Variants in HIRA observed in about 807,000 individuals in gnomAD.
The protein encoded by HIRA is protein HIRA.
Under a neutral mutation model 126.6 loss-of-function variants are expected in HIRA, and 13 were observed. The ratio of observed to expected loss-of-function variants is 0.10; its 90% CI spans 0.07 to 0.16. The LOEUF (loss-of-function observed/expected upper bound fraction) is 0.16. Ranked by LOEUF, HIRA falls within the 10% of genes least tolerant of loss-of-function variation. The pLI is 1.00. For missense variants in HIRA, 834 were observed against 1,314.4 expected (o/e 0.63, Z 5.65); for synonymous variants, 511 against 520.0 (o/e 0.98, Z 0.24).
chr22:19,427,137 G>T (rs1419297360), intron 1 of HIRA, among the ~76,000 whole-genome samples: 1 of 152,168 alleles, frequency 6.6e-6, no homozygotes, highest in African/African-American at 2.4e-5. Flanking sequence ...AATTCTCCAT[G>T]AGTGGGCTGT....
At chr22:19,354,573 G>A (rs1601812141) in intron 21 of HIRA, among the ~76,000 whole-genome samples, 1 of 152,108 alleles carries the variant, frequency 6.6e-6, no homozygotes, top group South Asian at 2.1e-4. Context: ...CACCTTCTCT[G>A]GACCCTTCTC....
At chr22:19,404,373 C>T (rs1463176861) in intron 5 of HIRA, among the ~76,000 whole-genome samples, 3 of 152,184 alleles carry the variant, frequency 2.0e-5, no homozygotes, top group Non-Finnish European at 4.4e-5. Context: ...CACTTGAGGC[C>T]TACCCCACAC....
intron 22 of HIRA, 55 bp downstream of exon 22, chr22:19,353,941 G>A: frequency 5.6e-6 from 9 of 1,595,700 alleles, no homozygotes; most frequent in South Asian, 1.1e-5. Flanking sequence ...CACTGACCCA[G>A]GCACTTCCCC....
chr22:19,424,952 C>G (rs138764599), intron 1 of HIRA, among the ~76,000 whole-genome samples: 1 of 152,150 alleles, frequency 6.6e-6, no homozygotes, highest in Non-Finnish European at 1.5e-5. Flanking sequence ...GGCTTTTACA[C>G]GCAGACCTAG....
Position 19,418,145 on chromosome 22 carries a change from C to T in HIRA, c.38-7367G>A, listed in dbSNP as rs117203461. Among the ~76,000 whole-genome samples the T allele has an allele frequency of 9.2e-3, 1,402 of 152,098 alleles. 18 individuals are homozygous for T. Among genetic ancestry groups the T allele is most frequent in the Non-Finnish European group, 0.011 (751 of 68,000 alleles). On this transcript the variant is annotated intron_variant, in intron 1 of 24. Transcript: ENST00000263208. ...AAAGGTTTGCAAGATGAAAATGTTC[C>T]GGAGACTGGCTGCACAATAATGTGA... is the stretch of plus-strand genomic sequence containing the variant.
intron 15 of HIRA, among the ~76,000 whole-genome samples, chr22:19,372,689 A>T (rs2088978392): frequency 6.7e-6 from 1 of 150,372 alleles, no homozygotes; most frequent in South Asian, 2.1e-4. Flanking sequence ...CTCTTGTCTC[A>T]GCCTACTGAG....
chr22:19,377,107 T>C (rs2051670), intron 14 of HIRA, among the ~76,000 whole-genome samples: 122,786 of 152,132 alleles, frequency 0.81, 49,622 homozygotes, highest in Middle Eastern at 0.88. Flanking sequence ...CCTGTATGAG[T>C]CCTGTGGAGG....
intron 15 of HIRA, 110 bp from the exon 16 acceptor site, chr22:19,362,041 G>T: frequency 9.8e-7 from 1 of 1,016,334 alleles, no homozygotes; most frequent in Non-Finnish European, 1.4e-6. Context: ...CTAGAATTCT[G>T]TGTCCAGTGA....
At position 19,383,371 on chromosome 22, in the gene HIRA, G is replaced by C. The variant is rs560447882; in HGVS notation, c.1415+249C>G. 3.3e-5 allele frequency among the ~76,000 whole-genome samples: 5 copies of C among 152,300 alleles called. No individual in the cohort carries two copies. The East Asian group carries it at 7.7e-4, about 24-fold the overall frequency. On this transcript the variant is annotated intron_variant, in intron 13 of 24. Coordinates refer to ENST00000263208, the MANE Select transcript of HIRA (RefSeq NM_003325.4). ...TGCGTCCTCTGGTGCCCTGGCAACA[G>C]TGAAGTGCAGCAGATGTGCTGGCCG...
intron 3 of HIRA, 36 bp from the exon 4 acceptor site, chr22:19,407,310 G>A (rs953196829): frequency 4.0e-5 from 60 of 1,515,484 alleles, no homozygotes; most frequent in Middle Eastern, 1.7e-4. Context: ...TGAAAATCCA[G>A]TAGTCATGCC....
intron 7 of HIRA, 21 bp downstream of exon 7, chr22:19,396,766 C>A (rs769607755): frequency 1.9e-6 from 3 of 1,612,554 alleles, no homozygotes; most frequent in Admixed American, 1.7e-5. Flanking sequence ...GGGCTCAGCT[C>A]CCTGAGCTGT....
chr22:19,372,862 G>A (rs1378573372), intron 15 of HIRA, among the ~76,000 whole-genome samples: 5 of 152,074 alleles, frequency 3.3e-5, no homozygotes, highest in South Asian at 2.1e-4. Flanking sequence ...GTGAGCCACC[G>A]TGCCTGGCCA....
Position 19,410,858 on chromosome 22 carries a change from A to G in HIRA, c.38-80T>C. The stretch of plus-strand genomic sequence containing the variant: ...TGTATCAAACTCAACAGATTCAGTT[A>G]AAGTCTAAACTGCTAGAAGATTCTC... On this transcript the variant is annotated intron_variant, in intron 1 of 24. Transcript: ENST00000263208. 2.6e-6 allele frequency: 3 copies of G among 1,146,766 alleles called. No homozygotes were observed. In the South Asian group the frequency reaches 3.8e-5, roughly 15 times the overall value. 71.0% of individuals were successfully genotyped at this position (1,146,766 alleles called of 1,614,324 possible). A position where few individuals can be genotyped will look rare whatever the true frequency, so the allele number is the denominator to read the frequency against.
intron 15 of HIRA, among the ~76,000 whole-genome samples, chr22:19,368,115 G>A (rs1028695445): frequency 3.9e-5 from 6 of 152,170 alleles, no homozygotes; most frequent in African/African-American, 1.4e-4. Flanking sequence ...ATCCCTGCCT[G>A]CCTTCCCACT....
intron 13 of HIRA, among the ~76,000 whole-genome samples, chr22:19,380,907 A>C (rs2089067244): frequency 6.6e-6 from 1 of 152,218 alleles, no homozygotes; most frequent in Non-Finnish European, 1.5e-5. Flanking sequence ...TACAGTTGTC[A>C]GCCACTGTGC....
rs111368579 is a variant in HIRA, at chr22:19,366,974, G to A, written c.1776-5043C>T. Among the ~76,000 whole-genome samples, 131 of 152,242 alleles carry A rather than the reference G, an allele frequency of 8.6e-4. 1 individual carries two copies. The highest frequency in any genetic ancestry group is 3.0e-3 in the African/African-American group (123 of 41,546). On this transcript the variant is annotated intron_variant, in intron 15 of 24. Coordinates refer to ENST00000263208, the MANE Select transcript of HIRA (RefSeq NM_003325.4). ...GATGGGGTTTCACCATGTTGGCCAAGCTGGTCTTGAGCTCCTGACCTCAGA... is the reference window on the plus strand; with the variant it reads ...GATGGGGTTTCACCATGTTGGCCAAACTGGTCTTGAGCTCCTGACCTCAGA...
chr22:19,431,148 G>C (rs2089533820), intron 1 of HIRA, among the ~76,000 whole-genome samples: 1 of 152,194 alleles, frequency 6.6e-6, no homozygotes, highest in Admixed American at 6.5e-5. Flanking sequence ...ACCAAGGCCC[G>C]CTCCTGGGAG....
intron 15 of HIRA, among the ~76,000 whole-genome samples, chr22:19,369,059 T>C (rs2088940459): frequency 6.6e-6 from 1 of 152,186 alleles, no homozygotes; most frequent in Non-Finnish European, 1.5e-5. Context: ...AGTTGCCCAA[T>C]GGGTCTAGAC....
At chr22:19,415,315 A>C (rs1471034409) in intron 1 of HIRA, among the ~76,000 whole-genome samples, 1 of 152,240 alleles carries the variant, frequency 6.6e-6, no homozygotes, top group Non-Finnish European at 1.5e-5. Flanking sequence ...GAAATTAAGA[A>C]AACAATTCAA....
Sources: allele counts gnomAD v4.1 joint callset (sites outside exome capture counted in the v4.1 genomes callset), GRCh38; gene constraint gnomAD v4.1.1; transcripts MANE v1.5; gene names NCBI Gene and HGNC (gene_info 2026-07-23, HGNC 2026-07-21).